Variants in PDXK observed in about 807,000 individuals in gnomAD.
The protein encoded by PDXK is epididymis secretory sperm binding protein Li 1a.
PDXK carries 15 observed loss-of-function variants against 43.2 expected under a neutral mutation model. The ratio of observed to expected loss-of-function variants is 0.35; its 90% CI spans 0.23 to 0.53. PDXK has a LOEUF of 0.53. PDXK is among the 20% of genes least tolerant of loss of function. The pLI is 0.92. For synonymous variants in PDXK, 172 were observed against 165.4 expected (o/e 1.04, Z -0.31); for missense variants, 343 against 417.0 (o/e 0.82, Z 1.54).
intron 8 of PDXK, 45 bp downstream of exon 8, chr21:43,752,674 G>A: frequency 8.5e-7 from 1 of 1,176,148 alleles, no homozygotes; most frequent in East Asian, 2.3e-5. Flanking sequence ...GCTCTTCCCA[G>A]AGGAAGGTGT....
At chr21:43,736,064 T>C (rs2083396214) in intron 2 of PDXK, among the ~76,000 whole-genome samples, 2 of 152,240 alleles carry the variant, frequency 1.3e-5, no homozygotes, top group African/African-American at 4.8e-5. Context: ...GATGACACTG[T>C]CTGTTCTGCA....
intron 5 of PDXK, among the ~76,000 whole-genome samples, chr21:43,748,105 C>T (rs1231976705): frequency 1.3e-5 from 2 of 152,252 alleles, no homozygotes; most frequent in Non-Finnish European, 2.9e-5. Flanking sequence ...ACTCAGGCCA[C>T]TCAGCCAGCA....
rs1369254797 is a variant in PDXK at position 43,762,160 on chromosome 21, T to C, written c.*6097T>C. 1 of 153,132 alleles carries C rather than the reference T, an allele frequency of 6.5e-6. No homozygotes were observed. Among genetic ancestry groups the C allele is most frequent in the East Asian group, 1.9e-4 (1 of 5,196 alleles). The allele number at this position is 153,132 out of a possible 1,614,324, so 9.5% of individuals were successfully genotyped here. ...TCTGCAAGGTTCGGGGGTGGCTTCG[T>C]TTGCCTGGAGTGGCCGGCCCTGCTT... On this transcript the variant is annotated 3_prime_UTR_variant, in exon 11 of 11. Coordinates refer to ENST00000291565, the MANE Select transcript of PDXK (RefSeq NM_003681.5).
chr21:43,743,677 GGT>G (rs1568985887), intron 3 of PDXK, 45 bp from the exon 4 acceptor site: 4 of 1,302,210 alleles, frequency 3.1e-6, no homozygotes, highest in Non-Finnish European at 2.2e-6. Context: ...AGTTGATCGT[GGT>G]GAGTCTCCTG....
Position 43,732,404 on chromosome 21 carries a change from C to G in PDXK, c.88-1665C>G, listed in dbSNP as rs1021991311. 6.2e-7 allele frequency: 1 copy of G among 1,612,870 alleles called. No individual in the cohort carries two copies. Among genetic ancestry groups the G allele is most frequent in the Non-Finnish European group, 8.5e-7 (1 of 1,179,882 alleles). On this transcript the variant is annotated intron_variant, in intron 1 of 10. Coordinates refer to ENST00000291565, the MANE Select transcript of PDXK (RefSeq NM_003681.5). The surrounding 1 kb of genome is among the most constrained non-coding windows in gnomAD (Gnocchi z 4.1). ...TGGGTAGACTCTGGAAGCGTCCAGA[C>G]CAGCTTGCGATGCTGATGAATAAGC...
At position 43,754,546 on chromosome 21, in the gene PDXK, C is replaced by T. The variant is rs998774063; in HGVS notation, c.759+827C>T. 6.6e-6 allele frequency among the ~76,000 whole-genome samples: 1 copy of T among 152,090 alleles called. No individual in the cohort carries two copies. Among genetic ancestry groups the T allele is most frequent in the Non-Finnish European group, 1.5e-5 (1 of 67,994 alleles). ...GTCTTCTTACAACACCGTCCAGAGCCGTGCTGTGCTCTGAGGTGGTCCCCA... is the reference window on the plus strand; with the variant it reads ...GTCTTCTTACAACACCGTCCAGAGCTGTGCTGTGCTCTGAGGTGGTCCCCA... On this transcript the variant is annotated intron_variant, in intron 9 of 10. Transcript: ENST00000291565. This position sits in a 1 kb window ranked among gnomAD's most constrained non-coding sequence, Gnocchi z 5.5.
Position 43,741,726 on chromosome 21 carries a change from G to A in PDXK, c.202G>A (p.Gly68Ser). 2 of 1,613,162 alleles carry A rather than the reference G, an allele frequency of 1.2e-6. No homozygotes were observed. Among genetic ancestry groups the A allele is most frequent in the Non-Finnish European group, 1.7e-6 (2 of 1,179,440 alleles). The part of the protein sequence containing the change: ...NSDELQELYE[G>S]LRLNNMNKYD... Reference sequence around the variant, plus strand: ...AGATGAGCTCCAGGAGTTGTACGAAGGCCTGAGGCTGAACAACATGAATAA... The same window carrying A: ...AGATGAGCTCCAGGAGTTGTACGAAAGCCTGAGGCTGAACAACATGAATAA... The change falls in exon 3 of 11, where the codon GGC becomes AGC. Residue 68 changes from glycine (G) to serine (S), a missense_variant. Physicochemically the swap from Gly to Ser is moderately conservative, Grantham distance 56. Coordinates refer to ENST00000291565, the MANE Select transcript of PDXK (RefSeq NM_003681.5).
chr21:43,720,624 C>G (rs528849073), intron 1 of PDXK, among the ~76,000 whole-genome samples: 1 of 152,158 alleles, frequency 6.6e-6, no homozygotes, highest in African/African-American at 2.4e-5. Context: ...CAGGGTGCAC[C>G]GGTTCTGTGG....
At chr21:43,750,591 C>T (rs373755734) in intron 7 of PDXK, 46 bp downstream of exon 7, 17 of 1,493,540 alleles carry the variant, frequency 1.1e-5, no homozygotes, top group Middle Eastern at 1.7e-4. Flanking sequence ...GTGCCGCTCA[C>T]GGTGGGGACG....
rs183056092 is a variant in PDXK, at chr21:43,734,210, G to A, written c.142+87G>A. 3 of 1,256,674 alleles carry A rather than the reference G, an allele frequency of 2.4e-6. No individual in the cohort carries two copies. The highest frequency in any genetic ancestry group is 1.2e-5 in the South Asian group (1 of 83,674). The allele number at this position is 1,256,674 out of a possible 1,614,324, so 77.8% of individuals were successfully genotyped here. On this transcript the variant is annotated intron_variant, in intron 2 of 10. Coordinates refer to ENST00000291565, the MANE Select transcript of PDXK (RefSeq NM_003681.5). The surrounding 1 kb of genome is among the most constrained non-coding windows in gnomAD (Gnocchi z 5.0). Reference sequence around the variant, plus strand: ...GTGTGGGTGTGAGGGACGGGGCGGAGTGTGGGTGTGAGGGACGGGGCTTTC... The same window carrying A: ...GTGTGGGTGTGAGGGACGGGGCGGAATGTGGGTGTGAGGGACGGGGCTTTC...
At chr21:43,726,920 T>C (rs1259107206) in intron 1 of PDXK, among the ~76,000 whole-genome samples, 1 of 152,016 alleles carries the variant, frequency 6.6e-6, no homozygotes, top group African/African-American at 2.4e-5. Flanking sequence ...GTGGGATGCA[T>C]GTGTATGGGG....
In PDXK at chr21:43,732,246, C is replaced by T. The variant is rs2083328312; in HGVS notation, c.88-1823C>T. 2.0e-6 allele frequency: 3 copies of T among 1,474,652 alleles called. No individual in the cohort carries two copies. The highest frequency in any genetic ancestry group is 2.7e-6 in the Non-Finnish European group (3 of 1,117,658). The allele number at this position is 1,474,652 out of a possible 1,614,324, so 91.3% of individuals were successfully genotyped here. A position where few individuals can be genotyped will look rare whatever the true frequency, so the allele number is the denominator to read the frequency against. On this transcript the variant is annotated intron_variant, in intron 1 of 10. Transcript: ENST00000291565. The surrounding 1 kb of genome is among the most constrained non-coding windows in gnomAD (Gnocchi z 4.1). The stretch of plus-strand genomic sequence containing the variant: ...TGGTCCGGCACAGAGCGCTGGCTTC[C>T]AGCTGAAGGACATGTGTAACAGCAG...
rs1008733648 is a variant in PDXK at position 43,738,939 on chromosome 21, T to TTC, written c.143-2727_143-2726insCT. Reference sequence around the variant, plus strand: ...TTTATGAACTCTTTTCTTTTTCTTTTTTTTTTTTTTTGGAGACGGAGTCTC... The same window carrying TTC: ...TTTATGAACTCTTTTCTTTTTCTTTTTCTTTTTTTTTTTGGAGACGGAGTCTC... On this transcript the variant is annotated intron_variant, in intron 2 of 10. Coordinates refer to ENST00000291565, the MANE Select transcript of PDXK (RefSeq NM_003681.5). 1.1e-4 allele frequency: 16 copies of TTC among 150,918 alleles called. No individual in the cohort carries two copies. In the East Asian group the frequency reaches 2.9e-3, roughly 27 times the overall value. 9.3% of individuals were successfully genotyped at this position (150,918 alleles called of 1,614,324 possible).
chr21:43,719,567 G>A (rs1440514832), intron 1 of PDXK, 186 bp downstream of exon 1: 1 of 977,962 alleles, frequency 1.0e-6, no homozygotes, highest in African/African-American at 1.8e-5. Context: ...CGGAAGCGGA[G>A]GGCTGAGCGC....
intron 8 of PDXK, among the ~76,000 whole-genome samples, chr21:43,753,221 GAC>G (rs761454668): frequency 1.3e-5 from 2 of 152,002 alleles, no homozygotes; most frequent in African/African-American, 2.4e-5. Context: ...CATGCACACG[GAC>G]ACATGCATAC....
chr21:43,757,756 C>G lies in PDXK; in HGVS notation c.*1693C>G, dbSNP rs552981613. 13 of 152,240 alleles carry G rather than the reference C, an allele frequency of 8.5e-5. No homozygotes were observed. The highest frequency in any genetic ancestry group is 3.1e-4 in the African/African-American group (13 of 41,558). The allele number at this position is 152,240 out of a possible 1,614,324, so 9.4% of individuals were successfully genotyped here. On this transcript the variant is annotated 3_prime_UTR_variant, in exon 11 of 11. Transcript: ENST00000291565. ...TGGCTCCGAGGACACGGGTGGCAGG[C>G]CCGTTGCAGCCCAGAGCCACTGGTC...
rs866785628 is a variant in PDXK at position 43,758,234 on chromosome 21, T to G, written c.*2171T>G. On this transcript the variant is annotated 3_prime_UTR_variant, in exon 11 of 11. Transcript: ENST00000291565. ...GCTTTAGTTCTTGGACTTCCCTGTA[T>G]TAAGCAAGAATTAGGAGAATGGCTG... 40 of 153,752 alleles carry G rather than the reference T, an allele frequency of 2.6e-4. No homozygotes were observed. The highest frequency in any genetic ancestry group is 9.2e-4 in the African/African-American group (38 of 41,438). 9.5% of individuals were successfully genotyped at this position (153,752 alleles called of 1,614,324 possible). A position where few individuals can be genotyped will look rare whatever the true frequency, so the allele number is the denominator to read the frequency against.
At position 43,761,497 on chromosome 21, in the gene PDXK, G is replaced by C. The variant is rs1313770739; in HGVS notation, c.*5434G>C. ...GCTTCTGCTTGGGGATCCCCCACAC[G>C]ACCTGGGTACTGCCTGGGAAACCTG... On this transcript the variant is annotated 3_prime_UTR_variant, in exon 11 of 11. Transcript: ENST00000291565. 1 of 156,096 alleles carries C rather than the reference G, an allele frequency of 6.4e-6. No homozygotes were observed. The highest frequency in any genetic ancestry group is 2.0e-4 in the South Asian group (1 of 5,080). 9.7% of individuals were successfully genotyped at this position (156,096 alleles called of 1,614,324 possible). A position where few individuals can be genotyped will look rare whatever the true frequency, so the allele number is the denominator to read the frequency against.
At chr21:43,727,758 G>A (rs1001401905) in intron 1 of PDXK, among the ~76,000 whole-genome samples, 21 of 152,218 alleles carry the variant, frequency 1.4e-4, no homozygotes, top group Admixed American at 1.4e-3. Context: ...TCCAGGAGGA[G>A]GGTGCAGCGG....
Sources: gnomAD v4.1 joint callset for allele counts (sites outside exome capture counted in the v4.1 genomes callset) on GRCh38, gnomAD v4.1.1 for gene constraint, Gnocchi (gnomAD v3.1) non-coding constraint, MANE v1.5 for transcripts, NCBI Gene and HGNC (gene_info 2026-07-23, HGNC 2026-07-21) for gene names.